ITSN1: variants seen among roughly 807,000 people sequenced by gnomAD.
ITSN1 encodes the protein intersectin-1.
Under a neutral mutation model 239.8 loss-of-function variants are expected in ITSN1, and 58 were observed. The observed-to-expected ratio is 0.24, with a 90% CI of 0.20 to 0.30. ITSN1 has a LOEUF of 0.30. ITSN1 is among the 10% of genes least tolerant of loss of function. The pLI, the probability that ITSN1 is intolerant of heterozygous loss-of-function variation, is 1.00. For missense variants in ITSN1, 1,558 were observed against 2,103.3 expected (o/e 0.74, Z 5.07); for synonymous variants, 780 against 770.8 (o/e 1.01, Z -0.20).
chr21:33,674,011 T>C (rs921233329), intron 1 of ITSN1, among the ~76,000 whole-genome samples: 1 of 152,230 alleles, frequency 6.6e-6, no homozygotes, highest in Non-Finnish European at 1.5e-5. Flanking sequence ...GCTTGGATAT[T>C]GTTATTACTC....
At chr21:33,664,671 CATAAG>C (rs1361143178) in intron 1 of ITSN1, among the ~76,000 whole-genome samples, 1 of 152,202 alleles carries the variant, frequency 6.6e-6, no homozygotes, top group Non-Finnish European at 1.5e-5. Context: ...GTTCCTGTCT[CATAAG>C]ATTGTTGTGA....
chr21:33,665,889 G>A (rs910401861), intron 1 of ITSN1, among the ~76,000 whole-genome samples: 1 of 150,376 alleles, frequency 6.6e-6, no homozygotes, highest in African/African-American at 2.4e-5. Flanking sequence ...GATGTACCTT[G>A]AAAACATGCT....
intron 27 of ITSN1, among the ~76,000 whole-genome samples, chr21:33,830,521 C>T (rs150161470): frequency 2.1e-4 from 32 of 152,004 alleles, no homozygotes; most frequent in South Asian, 4.2e-4. Context: ...ACAGCTGTGC[C>T]GGGAGGGAGG....
chr21:33,785,191 TAGTTG>T (rs1846206387), intron 16 of ITSN1, among the ~76,000 whole-genome samples: 2 of 152,208 alleles, frequency 1.3e-5, no homozygotes, highest in Admixed American at 6.5e-5. Context: ...ATTTTAAAAT[TAGTTG>T]ATCAGGATAC....
At chr21:33,690,296 A>G (rs189892642) in intron 1 of ITSN1, among the ~76,000 whole-genome samples, 22 of 151,052 alleles carry the variant, frequency 1.5e-4, no homozygotes, top group East Asian at 5.9e-4. Context: ...TTAAAAATAA[A>G]TGAACAAAAA....
chr21:33,881,062 C>T (rs191965073), intron 34 of ITSN1, among the ~76,000 whole-genome samples: 7 of 152,160 alleles, frequency 4.6e-5, no homozygotes, highest in African/African-American at 1.7e-4. Flanking sequence ...GGTGAGGTTT[C>T]ATGTGCGCAG....
In ITSN1 at chr21:33,898,586, A is replaced by T. The variant is rs545912839; in HGVS notation, c.*10286A>T. The stretch of plus-strand genomic sequence containing the variant: ...TCAGAAATGATTTCAGGAGGGGGCA[A>T]CCCCAGGAGTCCAGCCTCCCCTGGC... On this transcript the variant is annotated 3_prime_UTR_variant, in exon 40 of 40. Transcript: ENST00000381318. The T allele has an allele frequency of 6.6e-6, 1 of 152,294 alleles. No individual in the cohort carries two copies. The highest frequency in any genetic ancestry group is 1.5e-5 in the Non-Finnish European group (1 of 68,026). 9.4% of individuals were successfully genotyped at this position (152,294 alleles called of 1,614,324 possible).
At chr21:33,643,987 A>G (rs2087697167) in intron 1 of ITSN1, 1 of 152,302 alleles carries the variant, frequency 6.6e-6, no homozygotes, top group African/African-American at 2.4e-5. Flanking sequence ...GAGGGCAGGA[A>G]CTGGGGCCAG....
At chr21:33,781,055 A>G (rs1273694430) in intron 14 of ITSN1, among the ~76,000 whole-genome samples, 2 of 152,202 alleles carry the variant, frequency 1.3e-5, no homozygotes, top group African/African-American at 2.4e-5. Context: ...AAAGTTCAGG[A>G]TAGAGTAATA....
intron 27 of ITSN1, among the ~76,000 whole-genome samples, chr21:33,831,992 A>G (rs1164945421): frequency 6.6e-6 from 1 of 151,966 alleles, no homozygotes; most frequent in Admixed American, 6.6e-5. Flanking sequence ...TTCCAGCATC[A>G]TGCCCCTGTC....
intron 1 of ITSN1, among the ~76,000 whole-genome samples, chr21:33,654,587 A>G (rs2088870563): frequency 6.6e-6 from 1 of 152,106 alleles, no homozygotes; most frequent in African/African-American, 2.4e-5. Flanking sequence ...CTCTACACAA[A>G]AGACATAATA....
chr21:33,793,793 A>G (rs924199432), intron 16 of ITSN1, among the ~76,000 whole-genome samples: 1 of 152,242 alleles, frequency 6.6e-6, no homozygotes, highest in Admixed American at 6.5e-5. Flanking sequence ...AAGAGGAGCA[A>G]CTTGAAGAAA....
At chr21:33,672,591 A>G (rs1286220768) in intron 1 of ITSN1, among the ~76,000 whole-genome samples, 1 of 152,232 alleles carries the variant, frequency 6.6e-6, no homozygotes, top group Non-Finnish European at 1.5e-5. Context: ...AACATTAAAA[A>G]TAGAACTACT....
chr21:33,772,450 T>A, intron 12 of ITSN1, 127 bp downstream of exon 12: 2 of 1,181,178 alleles, frequency 1.7e-6, no homozygotes, highest in Non-Finnish European at 2.4e-6. Flanking sequence ...ATTCCCAAAG[T>A]TGTGCAACCA....
intron 1 of ITSN1, among the ~76,000 whole-genome samples, chr21:33,686,467 G>A (rs1307338798): frequency 6.6e-6 from 1 of 152,124 alleles, no homozygotes; most frequent in Admixed American, 6.5e-5. Flanking sequence ...TATTTTTAGT[G>A]CAAGTGATGA....
At chr21:33,877,647 C>T (rs954546163) in intron 34 of ITSN1, among the ~76,000 whole-genome samples, 11 of 151,988 alleles carry the variant, frequency 7.2e-5, no homozygotes, top group African/African-American at 2.7e-4. Context: ...AGACCCCTCA[C>T]GTTGGCTCTG....
chr21:33,685,410 TGAAAG>T (rs1370367678), intron 1 of ITSN1, among the ~76,000 whole-genome samples: 1 of 152,062 alleles, frequency 6.6e-6, no homozygotes, highest in African/African-American at 2.4e-5. Flanking sequence ...TAAATAGTAT[TGAAAG>T]GAAGAAAGAA....
At chr21:33,721,134 C>T in intron 2 of ITSN1, 44 bp from the exon 3 acceptor site, 1 of 1,353,850 alleles carries the variant, frequency 7.4e-7, no homozygotes, top group Non-Finnish European at 1.1e-6. Flanking sequence ...TTTTGTTTTC[C>T]TTTTCTCACT....
At chr21:33,734,533 T>A (rs1413625087) in intron 4 of ITSN1, among the ~76,000 whole-genome samples, 1 of 152,214 alleles carries the variant, frequency 6.6e-6, no homozygotes, top group East Asian at 1.9e-4. Flanking sequence ...CATAGCATAC[T>A]GTGTCATGTT....
Sources: allele counts gnomAD v4.1 joint callset (sites outside exome capture counted in the v4.1 genomes callset), GRCh38; gene constraint gnomAD v4.1.1; transcripts MANE v1.5; gene names NCBI Gene and HGNC (gene_info 2026-07-23, HGNC 2026-07-21).